The following ZNF385C variants were observed in gnomAD, a reference collection of about 807,000 sequenced individuals.
ZNF385C encodes zinc finger protein 385C, also known as CTD-2132N18.2.
Under a neutral mutation model 35.4 loss-of-function variants are expected in ZNF385C, and 28 were observed. That is an observed-to-expected ratio of 0.79 (90% CI 0.59 to 1.08). The LOEUF is 1.08. Ranked by LOEUF, ZNF385C falls within the 50% of genes least tolerant of loss-of-function variation. ZNF385C has a pLI of 0.00. For synonymous variants in ZNF385C, 248 were observed against 248.2 expected (o/e 1.00, Z 0.01); for missense variants, 605 against 595.6 (o/e 1.02, Z -0.16).
At position 42,094,761 on chromosome 17, in the gene ZNF385C, G is replaced by A. The variant is rs1567998902; in HGVS notation, c.-3+3649C>T. 5.3e-5 allele frequency among the ~76,000 whole-genome samples: 8 copies of A among 152,288 alleles called. No homozygotes were observed. The South Asian group carries it at 1.7e-3, about 32-fold the overall frequency. On this transcript the variant is annotated intron_variant, in intron 1 of 8. Coordinates refer to ENST00000692273, the MANE Select transcript of ZNF385C (RefSeq NM_001392013.1). ...GGGGGAGCCAAAGTGCTTGGGGGTC[G>A]AGCCCCACTGGGGGTGGCCTCACCA...
At chr17:42,072,630 G>A (rs985118910) in intron 1 of ZNF385C, among the ~76,000 whole-genome samples, 51 of 151,998 alleles carry the variant, frequency 3.4e-4, no homozygotes, top group Admixed American at 1.2e-3. Context: ...GTCCTGAGTC[G>A]CAGCTCCCGG....
intron 2 of ZNF385C, chr17:42,038,841 C>G (rs2052930379): frequency 6.6e-6 from 1 of 152,228 alleles, no homozygotes; most frequent in African/African-American, 2.4e-5. Flanking sequence ...ACCATTGGCC[C>G]TTGAACCACC....
At chr17:42,032,087 G>C (rs2052743263) in intron 4 of ZNF385C, among the ~76,000 whole-genome samples, 1 of 152,114 alleles carries the variant, frequency 6.6e-6, no homozygotes, top group South Asian at 2.1e-4. Flanking sequence ...TTGAGATGGA[G>C]TCTCGCTCTG....
intron 2 of ZNF385C, among the ~76,000 whole-genome samples, chr17:42,053,428 CTCTT>C (rs1188469647): frequency 2.0e-5 from 3 of 152,110 alleles, no homozygotes; most frequent in Admixed American, 6.5e-5. Flanking sequence ...CTGCTTCCCT[CTCTT>C]TCTGTGCTGC....
In ZNF385C at chr17:42,057,497, TGCGC is replaced by T. The variant is rs58127530; in HGVS notation, c.250+5306_250+5309del. 6.2e-3 allele frequency among the ~76,000 whole-genome samples: 292 copies of T among 46,856 alleles called. 5 individuals are homozygous for T. Among genetic ancestry groups the T allele is most frequent in the African/African-American group, 7.9e-3 (196 of 24,720 alleles). The allele number at this position is 46,856 out of a possible 152,430, so 30.7% of individuals were successfully genotyped here. On this transcript the variant is annotated intron_variant, in intron 2 of 8. Transcript: ENST00000692273. ...AATCACTTAAAGTTATTTAGGGGTG[TGCGC>T]GCGCGCGCGCGCGTGTGTGTGTGTG...
At chr17:42,027,515 G>A in intron 8 of ZNF385C, 103 bp downstream of exon 8, 1 of 976,828 alleles carries the variant, frequency 1.0e-6, no homozygotes, top group Admixed American at 3.1e-5. Flanking sequence ...TCATTGCAGG[G>A]TGGCCTCTTT....
In ZNF385C at chr17:42,078,873, T is replaced by G. The variant is rs374211537; in HGVS notation, c.-2-15815A>C. On this transcript the variant is annotated intron_variant, in intron 1 of 8. Coordinates refer to ENST00000692273, the MANE Select transcript of ZNF385C (RefSeq NM_001392013.1). ...AGGGACTGCGGGGAACTGGAGTAAC[T>G]TGAAGTCAGGCAAATGTGTTTACGT... 7.9e-5 allele frequency among the ~76,000 whole-genome samples: 12 copies of G among 152,100 alleles called. No homozygotes were observed. The East Asian group carries it at 1.7e-3, about 22-fold the overall frequency.
chr17:42,042,816 C>T, intron 2 of ZNF385C: 1 of 1,232,210 alleles, frequency 8.1e-7, no homozygotes, highest in Admixed American at 4.2e-5. Flanking sequence ...TTCCCCCATA[C>T]TTCTGGCTGT....
rs34648348 is a variant in ZNF385C, at chr17:42,093,585, A to AT, written c.-3+4824dup. ...TTTTACTTTTTATTTTATTTTATTT[A>AT]TTTTTTTTTTTTTGAGAGAGGGTCT... is the stretch of plus-strand genomic sequence containing the variant. On this transcript the variant is annotated intron_variant, in intron 1 of 8. Coordinates refer to ENST00000692273, the MANE Select transcript of ZNF385C (RefSeq NM_001392013.1). Among the ~76,000 whole-genome samples the AT allele has an allele frequency of 1.9e-3, 275 of 143,214 alleles. 1 individual carries two copies. The highest frequency in any genetic ancestry group is 3.6e-3 in the Middle Eastern group (1 of 280). 94.0% of individuals were successfully genotyped at this position (143,214 alleles called of 152,430 possible). A position where few individuals can be genotyped will look rare whatever the true frequency, so the allele number is the denominator to read the frequency against.
At chr17:42,037,171 G>A (rs914707405) in intron 3 of ZNF385C, among the ~76,000 whole-genome samples, 4 of 151,938 alleles carry the variant, frequency 2.6e-5, no homozygotes, top group African/African-American at 9.7e-5. Context: ...ACAAAAACAC[G>A]CATGCTCAGA....
At chr17:42,085,666 C>T (rs1280213741) in intron 1 of ZNF385C, among the ~76,000 whole-genome samples, 5 of 148,386 alleles carry the variant, frequency 3.4e-5, no homozygotes, top group East Asian at 4.0e-4. Flanking sequence ...GGCGCGATCT[C>T]GGCTCACTGC....
At chr17:42,031,460 A>C (rs1474014523) in intron 5 of ZNF385C, among the ~76,000 whole-genome samples, 159 bp downstream of exon 5, 2 of 152,192 alleles carry the variant, frequency 1.3e-5, no homozygotes, top group African/African-American at 4.8e-5. Flanking sequence ...GGGTGTGTTC[A>C]GCTTAGGAAA....
chr17:42,034,617 TA>T (rs1555655250), intron 3 of ZNF385C, among the ~76,000 whole-genome samples: 7 of 62,182 alleles, frequency 1.1e-4, no homozygotes, highest in African/African-American at 2.0e-4. Flanking sequence ...CCATCTCTAC[TA>T]AAAAAAAAAT....
Position 42,075,492 on chromosome 17 carries a change from C to CTT in ZNF385C, c.-2-12436_-2-12435dup, listed in dbSNP as rs1233607606. ...ATCCCAGTTACATTCCTTTATACTC[C>CTT]TTTTTTTTTTTTTTTTTTTTCTGAT... On this transcript the variant is annotated intron_variant, in intron 1 of 8. Transcript: ENST00000692273. Among the ~76,000 whole-genome samples the CTT allele has an allele frequency of 4.6e-3, 629 of 135,510 alleles. 13 individuals are homozygous for CTT. The highest frequency in any genetic ancestry group is 0.016 in the African/African-American group (557 of 35,492). The allele number at this position is 135,510 out of a possible 152,430, so 88.9% of individuals were successfully genotyped here. A position where few individuals can be genotyped will look rare whatever the true frequency, so the allele number is the denominator to read the frequency against.
At chr17:42,027,518 G>A (rs2052614578) in intron 8 of ZNF385C, 100 bp downstream of exon 8, 2 of 1,026,778 alleles carry the variant, frequency 1.9e-6, no homozygotes, top group Non-Finnish European at 2.8e-6. Flanking sequence ...TTGCAGGGTG[G>A]CCTCTTTTCC....
chr17:42,086,307 G>A (rs918805700), intron 1 of ZNF385C, among the ~76,000 whole-genome samples: 2 of 152,082 alleles, frequency 1.3e-5, no homozygotes, highest in South Asian at 2.1e-4. Flanking sequence ...CACAAGAATC[G>A]CTTCAACCAG....
At chr17:42,082,907 G>A (rs1436755886) in intron 1 of ZNF385C, among the ~76,000 whole-genome samples, 9 of 152,054 alleles carry the variant, frequency 5.9e-5, no homozygotes, top group Admixed American at 2.0e-4. Context: ...GTGAAGACCC[G>A]TCTCTACTAA....
intron 1 of ZNF385C, among the ~76,000 whole-genome samples, chr17:42,093,016 G>A (rs993102997): frequency 6.6e-6 from 1 of 152,196 alleles, no homozygotes; most frequent in Non-Finnish European, 1.5e-5. Flanking sequence ...AAGGACCTGT[G>A]GAGTCAGTCC....
chr17:42,083,822 G>A (rs189562362), intron 1 of ZNF385C, among the ~76,000 whole-genome samples: 50 of 140,280 alleles, frequency 3.6e-4, no homozygotes, highest in Middle Eastern at 4.0e-3. Context: ...AGGTTCAAGC[G>A]ATTCTCCTGC....
Sources: gnomAD v4.1 joint callset for allele counts (sites outside exome capture counted in the v4.1 genomes callset) on GRCh38, gnomAD v4.1.1 for gene constraint, MANE v1.5 for transcripts, NCBI Gene and HGNC (gene_info 2026-07-23, HGNC 2026-07-21) for gene names.